Variants in CCSER1 observed in about 807,000 individuals in gnomAD.
CCSER1 encodes coiled-coil serine rich protein 1, also known as serine-rich coiled-coil domain-containing protein 1.
CCSER1 carries 41 observed loss-of-function variants against 82.0 expected under a neutral mutation model. The observed-to-expected ratio is 0.50, with a 90% confidence interval of 0.39 to 0.65. The LOEUF is 0.65. CCSER1 is among the 30% of genes least tolerant of loss of function. CCSER1 has a pLI of 0.00. For synonymous variants in CCSER1, 414 were observed against 383.9 expected (o/e 1.08, Z -0.92); for missense variants, 1,119 against 1,064.2 (o/e 1.05, Z -0.72).
At chr4:90,924,419 A>G (rs1728788885) in intron 9 of CCSER1, among the ~76,000 whole-genome samples, 1 of 152,114 alleles carries the variant, frequency 6.6e-6, no homozygotes, top group Non-Finnish European at 1.5e-5. Flanking sequence ...ATCACTGCAC[A>G]AATTGTTTTC....
rs1739740615 is a variant in CCSER1 at position 90,210,419 on chromosome 4, T to G, written c.-42+82588T>G. 2.0e-5 allele frequency among the ~76,000 whole-genome samples: 3 copies of G among 151,846 alleles called. No individual in the cohort carries two copies. The South Asian group carries it at 6.2e-4, about 32-fold the overall frequency. ...TTTGTTGTATGAGTTTCAGGTATTC[T>G]GCTATCATTTCTTTTCTTTTCTTTT... On this transcript the variant is annotated intron_variant, in intron 1 of 10. Coordinates refer to ENST00000509176, the MANE Select transcript of CCSER1 (RefSeq NM_001145065.2).
At chr4:90,645,759 C>T (rs1345681152) in intron 6 of CCSER1, among the ~76,000 whole-genome samples, 2 of 152,254 alleles carry the variant, frequency 1.3e-5, no homozygotes, top group African/African-American at 4.8e-5. Context: ...GCTTTTTAAA[C>T]CTAAGGCTGT....
In CCSER1 at chr4:91,077,773, G is replaced by A. The variant is rs1722163933; in HGVS notation, c.2173-8177G>A. Reference sequence around the variant, plus strand: ...ATACTGCACTTTTCCAATGGTCTTAGCAAACAGCACACCAGGAGATTATAT... The same window carrying A: ...ATACTGCACTTTTCCAATGGTCTTAACAAACAGCACACCAGGAGATTATAT... On this transcript the variant is annotated intron_variant, in intron 9 of 10. Coordinates refer to ENST00000509176, the MANE Select transcript of CCSER1 (RefSeq NM_001145065.2). Among the ~76,000 whole-genome samples, 5 of 152,218 alleles carry A rather than the reference G, an allele frequency of 3.3e-5. No individual in the cohort carries two copies. The South Asian group carries it at 1.0e-3, about 31-fold the overall frequency.
chr4:91,139,063 C>T (rs976076421), intron 10 of CCSER1, among the ~76,000 whole-genome samples: 2 of 152,124 alleles, frequency 1.3e-5, no homozygotes, highest in Non-Finnish European at 2.9e-5. Context: ...TCCCTAGTGT[C>T]TGTTGTTGCC....
At chr4:91,425,494 A>G (rs1311367902) in intron 10 of CCSER1, among the ~76,000 whole-genome samples, 1 of 152,148 alleles carries the variant, frequency 6.6e-6, no homozygotes, top group African/African-American at 2.4e-5. Context: ...TTTATCCTAT[A>G]GAAGTAACAA....
At chr4:90,553,290 TTTAA>T (rs1227111811) in intron 5 of CCSER1, among the ~76,000 whole-genome samples, 3 of 152,180 alleles carry the variant, frequency 2.0e-5, no homozygotes, top group South Asian at 2.1e-4. Flanking sequence ...CAAATATAAC[TTTAA>T]TTAAATATTG....
chr4:91,492,759 G>C (rs1758615756), intron 10 of CCSER1, among the ~76,000 whole-genome samples: 1 of 151,988 alleles, frequency 6.6e-6, no homozygotes, highest in Non-Finnish European at 1.5e-5. Flanking sequence ...AGGGAGGAGA[G>C]GACAGTCTTC....
chr4:91,443,264 A>T (rs1755317481), intron 10 of CCSER1, among the ~76,000 whole-genome samples: 1 of 152,168 alleles, frequency 6.6e-6, no homozygotes, highest in African/African-American at 2.4e-5. Flanking sequence ...AAAATGTGGC[A>T]CATATACACC....
At chr4:91,250,800 C>T (rs1048981922) in intron 10 of CCSER1, among the ~76,000 whole-genome samples, 31 of 151,820 alleles carry the variant, frequency 2.0e-4, no homozygotes, top group Non-Finnish European at 4.0e-4. Context: ...TATTGCTTTT[C>T]TTCCAAAATC....
intron 10 of CCSER1, among the ~76,000 whole-genome samples, chr4:91,454,545 C>A (rs548453952): frequency 2.7e-4 from 41 of 152,072 alleles, no homozygotes; most frequent in African/African-American, 9.9e-4. Context: ...TGGCAAACTT[C>A]CTTTTGCCAA....
At chr4:90,689,703 A>C (rs755597417) in intron 6 of CCSER1, among the ~76,000 whole-genome samples, 7 of 152,082 alleles carry the variant, frequency 4.6e-5, no homozygotes, top group Non-Finnish European at 8.8e-5. Flanking sequence ...AGATGTGATA[A>C]GGGAGTGGAG....
chr4:90,149,780 T>G (rs887300178), intron 1 of CCSER1, among the ~76,000 whole-genome samples: 1 of 152,134 alleles, frequency 6.6e-6, no homozygotes, highest in Non-Finnish European at 1.5e-5. Flanking sequence ...GCTTAAGATA[T>G]TTAATGATGC....
At chr4:91,533,231 C>T (rs1385085439) in intron 10 of CCSER1, among the ~76,000 whole-genome samples, 2 of 152,018 alleles carry the variant, frequency 1.3e-5, no homozygotes, top group Non-Finnish European at 2.9e-5. Flanking sequence ...AACTTTTCAC[C>T]TAATTTTAGT....
intron 1 of CCSER1, among the ~76,000 whole-genome samples, chr4:90,131,205 TG>T (rs1413207717): frequency 1.3e-5 from 2 of 152,188 alleles, no homozygotes; most frequent in East Asian, 3.9e-4. Flanking sequence ...TTCACCATGT[TG>T]GCCAGGCTGG....
At chr4:90,928,947 G>A (rs982232804) in intron 9 of CCSER1, among the ~76,000 whole-genome samples, 4 of 152,152 alleles carry the variant, frequency 2.6e-5, no homozygotes, top group Non-Finnish European at 4.4e-5. Context: ...GGGAACAGCC[G>A]ACGCAACTTC....
At chr4:91,321,820 G>A (rs1356366408) in intron 10 of CCSER1, among the ~76,000 whole-genome samples, 3 of 151,920 alleles carry the variant, frequency 2.0e-5, no homozygotes, top group African/African-American at 7.2e-5. Context: ...AGCCTTCCAA[G>A]CTCCCTTCGA....
chr4:90,899,038 G>A (rs1055249063), intron 8 of CCSER1, among the ~76,000 whole-genome samples: 1 of 151,822 alleles, frequency 6.6e-6, no homozygotes, highest in African/African-American at 2.4e-5. Flanking sequence ...TTTGGGATGT[G>A]TAGTCATTTT....
chr4:90,152,669 T>C (rs1364415232), intron 1 of CCSER1, among the ~76,000 whole-genome samples: 1 of 152,002 alleles, frequency 6.6e-6, no homozygotes, highest in Non-Finnish European at 1.5e-5. Context: ...TTATTGCAGT[T>C]TGGCTGAGAT....
intron 5 of CCSER1, among the ~76,000 whole-genome samples, chr4:90,566,766 C>A (rs901546259): frequency 1.3e-5 from 2 of 151,992 alleles, no homozygotes; most frequent in Non-Finnish European, 1.5e-5. Flanking sequence ...CCACGCCCAG[C>A]TAATTTTGTG....
Sources: allele counts gnomAD v4.1 joint callset (sites outside exome capture counted in the v4.1 genomes callset), GRCh38; gene constraint gnomAD v4.1.1; transcripts MANE v1.5; gene names NCBI Gene and HGNC (gene_info 2026-07-23, HGNC 2026-07-21).